GLIS3: variants seen among roughly 807,000 people sequenced by gnomAD.
GLIS3 encodes zinc finger protein GLIS3.
GLIS3 carries 53 observed loss-of-function variants against 78.6 expected under a neutral mutation model. That is an observed-to-expected ratio of 0.67 (90% CI 0.54 to 0.85). GLIS3 has a LOEUF of 0.85. GLIS3 is among the 40% of genes least tolerant of loss of function. The probability of loss-of-function intolerance (pLI) is 0.00; values close to 1 mark genes in which losing one functional copy is unlikely to be tolerated. For synonymous variants in GLIS3, 684 were observed against 509.9 expected (o/e 1.34, Z -4.60); for missense variants, 1,703 against 1,231.1 (o/e 1.38, Z -5.74).
At position 3,828,242 on chromosome 9, in the gene GLIS3, C is replaced by T. The variant is rs377136249; in HGVS notation, c.*30G>A. The T allele has an allele frequency of 5.0e-6, 8 of 1,613,634 alleles. No homozygotes were observed. Among genetic ancestry groups the T allele is most frequent in the Middle Eastern group, 1.7e-4 (1 of 6,054 alleles). On this transcript the variant is annotated 3_prime_UTR_variant, in exon 11 of 11. Transcript: ENST00000381971. ...AAAGGTGGCAAGCAACATCAAGGTCCTGGGTGTGCAGGAGTGGCCAAGAGA... is the reference window on the plus strand; with the variant it reads ...AAAGGTGGCAAGCAACATCAAGGTCTTGGGTGTGCAGGAGTGGCCAAGAGA...
At chr9:4,268,386 T>C (rs1003162714) in intron 2 of GLIS3, among the ~76,000 whole-genome samples, 1 of 152,214 alleles carries the variant, frequency 6.6e-6, no homozygotes, top group African/African-American at 2.4e-5. Context: ...CATTATTCTT[T>C]CAAATATAAT....
chr9:4,385,332 G>C, the GLIS3 span, among the ~76,000 whole-genome samples: 2 of 152,184 alleles, frequency 1.3e-5, no homozygotes, highest in Admixed American at 6.5e-5. Flanking sequence ...ATAGATGTTA[G>C]ACTCCATGAA....
At chr9:4,393,537 C>T in the GLIS3 span, among the ~76,000 whole-genome samples, 10 of 152,266 alleles carry the variant, frequency 6.6e-5, no homozygotes, top group East Asian at 1.9e-4. Flanking sequence ...AATCCCGTAT[C>T]GCATTAGTTG....
chr9:4,434,174 C>A, the GLIS3 span, among the ~76,000 whole-genome samples: 1 of 151,636 alleles, frequency 6.6e-6, no homozygotes, highest in Non-Finnish European at 1.5e-5. Flanking sequence ...CAGGCCAATG[C>A]CACATTCTAA....
At chr9:3,916,467 T>C (rs1283000759) in intron 6 of GLIS3, among the ~76,000 whole-genome samples, 3 of 152,230 alleles carry the variant, frequency 2.0e-5, no homozygotes, top group African/African-American at 7.2e-5. Flanking sequence ...TGGTTCTCAT[T>C]GACGCCACTC....
At chr9:4,373,713 G>C in the GLIS3 span, among the ~76,000 whole-genome samples, 2 of 149,346 alleles carry the variant, frequency 1.3e-5, no homozygotes, top group African/African-American at 5.0e-5. Flanking sequence ...TTGTCGCCCA[G>C]GCTGTAGTGC....
the GLIS3 span, among the ~76,000 whole-genome samples, chr9:4,398,398 T>G: frequency 6.6e-6 from 1 of 152,016 alleles, no homozygotes; most frequent in African/African-American, 2.4e-5. Flanking sequence ...TTAAACAGCA[T>G]TCCCAGGTGA....
At chr9:4,138,802 C>G (rs1241784600) in intron 2 of GLIS3, among the ~76,000 whole-genome samples, 1 of 152,150 alleles carries the variant, frequency 6.6e-6, no homozygotes, top group Non-Finnish European at 1.5e-5. Flanking sequence ...ACAACAGTTT[C>G]CAGCACACAG....
intron 6 of GLIS3, among the ~76,000 whole-genome samples, chr9:3,920,538 TG>T (rs1431051055): frequency 7.2e-5 from 11 of 152,142 alleles, no homozygotes; most frequent in Non-Finnish European, 1.5e-4. Context: ...GGGCTCCCTA[TG>T]TGTCTGAGTC....
chr9:4,361,187 G>A, the GLIS3 span, among the ~76,000 whole-genome samples: 3 of 152,246 alleles, frequency 2.0e-5, no homozygotes, highest in South Asian at 4.1e-4. Flanking sequence ...ACTGTCCTCT[G>A]TAGAAAGGAG....
Position 3,982,547 on chromosome 9 carries a change from G to C in GLIS3, c.1711-45358C>G, listed in dbSNP as rs979428315. On this transcript the variant is annotated intron_variant, in intron 4 of 10. Coordinates refer to ENST00000381971, the MANE Select transcript of GLIS3 (RefSeq NM_001042413.2). ...ACAGGGGAAGCTTCTTCTTTTTCTT[G>C]TTGACAAAAGCTGGATCACTTCATG... Among the ~76,000 whole-genome samples the C allele has an allele frequency of 1.1e-4, 17 of 152,220 alleles. No homozygotes were observed. In the South Asian group the frequency reaches 1.2e-3, roughly 11 times the overall value.
intron 2 of GLIS3, among the ~76,000 whole-genome samples, chr9:4,315,137 C>G (rs988248777): frequency 5.9e-5 from 9 of 152,230 alleles, no homozygotes; most frequent in Non-Finnish European, 1.2e-4. Flanking sequence ...GAGAAAGAGT[C>G]TAATTTTGGA....
chr9:4,242,305 C>T (rs931238600), intron 2 of GLIS3, among the ~76,000 whole-genome samples: 4 of 152,134 alleles, frequency 2.6e-5, no homozygotes, highest in African/African-American at 4.8e-5. Flanking sequence ...GGGAAAAAAA[C>T]GTGCCAACCA....
chr9:4,402,323 G>A, the GLIS3 span, among the ~76,000 whole-genome samples: 12 of 152,168 alleles, frequency 7.9e-5, no homozygotes, highest in South Asian at 2.1e-4. Flanking sequence ...CAAGTCCTTC[G>A]AATACCTGGA....
chr9:3,881,248 T>C (rs535422174), intron 7 of GLIS3, among the ~76,000 whole-genome samples: 123 of 152,322 alleles, frequency 8.1e-4, no homozygotes, highest in Middle Eastern at 3.4e-3. Flanking sequence ...ATAAAGGTCA[T>C]AGAGATACTA....
chr9:3,830,659 A>T (rs1218564721), intron 9 of GLIS3, among the ~76,000 whole-genome samples: 1 of 152,224 alleles, frequency 6.6e-6, no homozygotes, highest in Non-Finnish European at 1.5e-5. Flanking sequence ...CACAAACACT[A>T]AATAATGGAG....
chr9:4,334,771 C>T (rs1267585026), intron 2 of GLIS3, among the ~76,000 whole-genome samples: 3 of 152,310 alleles, frequency 2.0e-5, no homozygotes, highest in Admixed American at 6.5e-5. Flanking sequence ...CCACTTACAG[C>T]GAACCTGGGG....
chr9:4,427,756 G>T, the GLIS3 span, among the ~76,000 whole-genome samples: 1 of 151,992 alleles, frequency 6.6e-6, no homozygotes, highest in Non-Finnish European at 1.5e-5. Flanking sequence ...CTACTCAGAA[G>T]GCTGAGGCAC....
At chr9:4,460,409 A>G in the GLIS3 span, among the ~76,000 whole-genome samples, 1 of 152,266 alleles carries the variant, frequency 6.6e-6, no homozygotes, top group Non-Finnish European at 1.5e-5. Context: ...CTATACAAGC[A>G]TAATGGGTTA....
Sources: gnomAD v4.1 joint callset for allele counts (sites outside exome capture counted in the v4.1 genomes callset) on GRCh38, gnomAD v4.1.1 for gene constraint, MANE v1.5 for transcripts, NCBI Gene and HGNC (gene_info 2026-07-23, HGNC 2026-07-21) for gene names.